C1orf54: variants seen among roughly 807,000 people sequenced by gnomAD.
The protein encoded by C1orf54 is chromosome 1 open reading frame 54.
C1orf54 carries 12 observed loss-of-function variants against 14.7 expected under a neutral mutation model. That is an observed-to-expected ratio of 0.82 (90% confidence interval 0.52 to 1.32). C1orf54 has a LOEUF of 1.32. C1orf54 is among the 40% of genes most tolerant of loss of function. The probability of loss-of-function intolerance (pLI) is 0.00; values close to 1 mark genes in which losing one functional copy is unlikely to be tolerated. For synonymous variants in C1orf54, 65 were observed against 56.3 expected, an observed-to-expected ratio of 1.16 and a Z score of -0.70; for missense variants, 163 against 162.2, an observed-to-expected ratio of 1.00 and a Z score of -0.03.
At chr1:150,270,599 C>T (rs1652125773), upstream of C1orf54, among the ~76,000 whole-genome samples, 1 of 151,472 alleles carries the variant, frequency 6.6e-6, no homozygotes, top group Non-Finnish European at 1.5e-5. Context: ...GCTGAGATCC[C>T]ACCACTGCAC....
chr1:150,276,837 G>C (rs146541375), intron 4 of C1orf54, among the ~76,000 whole-genome samples: 14 of 152,162 alleles, frequency 9.2e-5, no homozygotes, highest in Non-Finnish European at 1.3e-4. Context: ...ATATGGTACA[G>C]TTAAATTTCA....
intron 2 of C1orf54, 26 bp from the exon 3 acceptor site, chr1:150,275,715 T>C: frequency 6.4e-7 from 1 of 1,573,194 alleles, no homozygotes; most frequent in Non-Finnish European, 8.7e-7. Context: ...TCTTTAATTA[T>C]TACTGATTTT....
chr1:150,277,199 A>T (rs1475483974), intron 4 of C1orf54, among the ~76,000 whole-genome samples: 1 of 152,114 alleles, frequency 6.6e-6, no homozygotes, highest in Non-Finnish European at 1.5e-5. Flanking sequence ...AAGAATAGTT[A>T]TTCCAAGAGT....
Position 150,275,746 on chromosome 1 carries a change from T to G in C1orf54, c.136T>G (p.Phe46Val), listed in dbSNP as rs1553852320. 6.2e-7 allele frequency: 1 copy of G among 1,611,128 alleles called. No homozygotes were observed. Among genetic ancestry groups the G allele is most frequent in the South Asian group, 1.1e-5 (1 of 90,992 alleles). ...YYTVTPSYDD[F>V]SADFTIDYSI... ...ATTTTCTTTCTCCTCTGCAGATGAC[T>G]TTAGTGCAGATTTCACCATTGATTA... The change falls in exon 3 of 6, where the codon TTT becomes GTT. Residue 46 changes from phenylalanine to valine, a missense_variant. Coordinates refer to ENST00000369099, the MANE Select transcript of C1orf54 (RefSeq NM_024579.4).
At chr1:150,277,363 C>G (rs1652739923) in intron 4 of C1orf54, among the ~76,000 whole-genome samples, 1 of 151,722 alleles carries the variant, frequency 6.6e-6, no homozygotes, top group Middle Eastern at 3.4e-3. Flanking sequence ...GTTAGCCAGG[C>G]GTGGTGGTGC....
chr1:150,271,959 G>A (rs1652231951), upstream of C1orf54, among the ~76,000 whole-genome samples: 2 of 152,122 alleles, frequency 1.3e-5, no homozygotes, highest in African/African-American at 4.8e-5. Flanking sequence ...GGCCAACATG[G>A]TGAAACCCCG....
At position 150,272,804 on chromosome 1, in the gene C1orf54, G is replaced by C. The variant is rs782002149; in HGVS notation, c.-14G>C. ...TTCCTTTTTTACTTTCACAGCAATA[G>C]TGCAGAATCCAGAATGGATGTCCTC... On this transcript the variant is annotated 5_prime_UTR_variant, in exon 1 of 6. Coordinates refer to ENST00000369099, the MANE Select transcript of C1orf54 (RefSeq NM_024579.4). 9.3e-6 allele frequency: 15 copies of C among 1,614,106 alleles called. No individual in the cohort carries two copies. Among genetic ancestry groups the C allele is most frequent in the Non-Finnish European group, 1.2e-5 (14 of 1,179,978 alleles).
intron 2 of C1orf54, among the ~76,000 whole-genome samples, chr1:150,275,457 T>C (rs1291234420): frequency 6.6e-6 from 1 of 151,974 alleles, no homozygotes; most frequent in Non-Finnish European, 1.5e-5. Flanking sequence ...GAGCTATGAT[T>C]GAACCAACTG....
At chr1:150,270,995 CA>C (rs782157892), upstream of C1orf54, among the ~76,000 whole-genome samples, 2 of 94,582 alleles carry the variant, frequency 2.1e-5, no homozygotes. Flanking sequence ...GACTCCGTCT[CA>C]AAAAAAAAAA....
In C1orf54 at chr1:150,272,801, A is replaced by G. The variant is rs2101866507; in HGVS notation, c.-17A>G. ...AATTTCCTTTTTTACTTTCACAGCAATAGTGCAGAATCCAGAATGGATGTC... is the reference window on the plus strand; with the variant it reads ...AATTTCCTTTTTTACTTTCACAGCAGTAGTGCAGAATCCAGAATGGATGTC... On this transcript the variant is annotated 5_prime_UTR_variant, in exon 1 of 6. Coordinates refer to ENST00000369099, the MANE Select transcript of C1orf54 (RefSeq NM_024579.4). 6.2e-7 allele frequency: 1 copy of G among 1,614,056 alleles called. No individual in the cohort carries two copies. Among genetic ancestry groups the G allele is most frequent in the Non-Finnish European group, 8.5e-7 (1 of 1,179,958 alleles).
At chr1:150,279,887 C>T (rs1282044511) in intron 5 of C1orf54, 146 bp downstream of exon 5, 1 of 733,988 alleles carries the variant, frequency 1.4e-6, no homozygotes, top group Non-Finnish European at 2.2e-6. Context: ...GAGATTTAGG[C>T]TCATCCCTAT....
At position 150,272,869 on chromosome 1, in the gene C1orf54, T is replaced by A. The variant is rs1553851552; in HGVS notation, c.46+6T>A. On this transcript the variant is annotated splice_donor_region_variant and intron_variant, in intron 1 of 5. Transcript: ENST00000369099. ...TGCTGTGCCACTTATCCTGGGTAAG[T>A]CCACTCCTCTCTCTGAGCTTTTGTG... 1 of 1,614,096 alleles carries A rather than the reference T, an allele frequency of 6.2e-7. No individual in the cohort carries two copies.
intron 2 of C1orf54, among the ~76,000 whole-genome samples, chr1:150,275,117 C>T (rs587745476): frequency 6.6e-6 from 1 of 151,592 alleles, no homozygotes; most frequent in African/African-American, 2.4e-5. Flanking sequence ...CAGCTCACTG[C>T]AACCTCTGCC....
upstream of C1orf54, among the ~76,000 whole-genome samples, chr1:150,271,016 T>C (rs764426993): frequency 1.0e-5 from 1 of 98,386 alleles, no homozygotes; most frequent in Non-Finnish European, 2.2e-5. Context: ...AAAAAAAAAT[T>C]AAGAGGGTAG....
chr1:150,279,690 C>CCT lies in C1orf54; in HGVS notation c.350_351dup (p.Leu118SerfsTer37). On this transcript the variant is annotated frameshift_variant, in exon 5 of 6. Coordinates refer to ENST00000369099, the MANE Select transcript of C1orf54 (RefSeq NM_024579.4). LOFTEE classifies it high-confidence loss of function. ...TGTCCAGTTTGCGAAGTCCTATTCC[C>CCT]CTCCTCCTGTCGTGTGCCTTTGTTC... 1 of 1,613,126 alleles carries CCT rather than the reference C, an allele frequency of 6.2e-7. No individual in the cohort carries two copies. The highest frequency in any genetic ancestry group is 8.5e-7 in the Non-Finnish European group (1 of 1,179,592).
chr1:150,275,239 T>C (rs1431304766), intron 2 of C1orf54, among the ~76,000 whole-genome samples: 1 of 151,922 alleles, frequency 6.6e-6, no homozygotes, highest in Non-Finnish European at 1.5e-5. Flanking sequence ...GGTGTCACCA[T>C]GTTGGCCACG....
upstream of C1orf54, chr1:150,269,170 C>A (rs199617916): frequency 2.1e-5 from 5 of 240,946 alleles, no homozygotes; most frequent in South Asian, 2.4e-4. Context: ...GTGGCTCGAG[C>A]CGGTTAATGG....
upstream of C1orf54, among the ~76,000 whole-genome samples, chr1:150,270,812 C>T (rs1023018606): frequency 6.7e-6 from 1 of 150,310 alleles, no homozygotes; most frequent in Non-Finnish European, 1.5e-5. Flanking sequence ...CTGGCTAACA[C>T]GATGAAACCC....
upstream of C1orf54, among the ~76,000 whole-genome samples, chr1:150,271,520 T>C (rs1652205670): frequency 3.3e-5 from 5 of 152,358 alleles, no homozygotes; most frequent in South Asian, 1.0e-3. Flanking sequence ...TGACTCATAG[T>C]AGATGTTGAG....
Sources: allele counts gnomAD v4.1 joint callset (sites outside exome capture counted in the v4.1 genomes callset), GRCh38; gene constraint gnomAD v4.1.1; transcripts MANE v1.5; gene names NCBI Gene and HGNC (gene_info 2026-07-23, HGNC 2026-07-21).